Variants in GFM1 observed in about 807,000 individuals in gnomAD.
GFM1 encodes elongation factor G, mitochondrial.
GFM1 carries 62 observed loss-of-function variants against 96.2 expected under a neutral mutation model. The ratio of observed to expected loss-of-function variants is 0.64; its 90% CI spans 0.53 to 0.80. The LOEUF is 0.80. Among genes scored for constraint, GFM1 ranks in the 30% least tolerant of loss-of-function variants. GFM1 has a pLI of 0.00. For missense variants in GFM1, 852 were observed against 916.6 expected, an observed-to-expected ratio of 0.93 and a Z score of 0.91; for synonymous variants, 282 against 312.9, an observed-to-expected ratio of 0.90 and a Z score of 1.04.
chr3:158,662,005 G>A (rs917161764), intron 10 of GFM1, among the ~76,000 whole-genome samples: 1 of 152,160 alleles, frequency 6.6e-6, no homozygotes, highest in Non-Finnish European at 1.5e-5. Flanking sequence ...CTGGTCATTA[G>A]CAACATGAAG....
chr3:158,656,256 C>T (rs1410184622), intron 8 of GFM1: 5 of 187,302 alleles, frequency 2.7e-5, no homozygotes, highest in South Asian at 1.9e-4. Flanking sequence ...CAGGTTCAAG[C>T]GAGTCTCCTG....
chr3:158,649,625 TA>T (rs1278104690), intron 5 of GFM1: 4 of 218,074 alleles, frequency 1.8e-5, no homozygotes, highest in African/African-American at 9.2e-5. Context: ...TTAAAACAGT[TA>T]AAATTGTACA....
intron 14 of GFM1, 131 bp from the exon 15 acceptor site, chr3:158,684,393 A>T: frequency 1.2e-6 from 1 of 862,808 alleles, no homozygotes; most frequent in East Asian, 2.6e-5. Context: ...TTTTTAAAAA[A>T]TTATTTTTGA....
Position 158,658,959 on chromosome 3 carries a change from A to T in GFM1, c.1121A>T (p.Tyr374Phe), listed in dbSNP as rs763127218. Residue 374 changes from tyrosine (Y) to phenylalanine (F), a missense_variant, in exon 9 of 18, where the codon TAT (tyrosine) becomes TTT (phenylalanine). By Grantham distance (22) the Tyr-to-Phe change is conservative. Coordinates refer to ENST00000486715, the MANE Select transcript of GFM1 (RefSeq NM_024996.7). Reference sequence around the variant, plus strand: ...GGACAATTAACTTATGTTCGCAGTTATCAGGGAGAGCTAAAGAAGGGTGAC... The same window carrying T: ...GGACAATTAACTTATGTTCGCAGTTTTCAGGGAGAGCTAAAGAAGGGTGAC... ...RFGQLTYVRS[Y>F]QGELKKGDTI... The T allele has an allele frequency of 1.2e-6, 2 of 1,614,168 alleles. No individual in the cohort carries two copies. Among genetic ancestry groups the T allele is most frequent in the Non-Finnish European group, 1.7e-6 (2 of 1,180,014 alleles).
At chr3:158,685,861 G>A (rs540889949) in intron 15 of GFM1, among the ~76,000 whole-genome samples, 2 of 152,200 alleles carry the variant, frequency 1.3e-5, no homozygotes, top group Admixed American at 1.3e-4. Context: ...ACTTTAGTAT[G>A]TCTTAAACTG....
At chr3:158,665,101 T>G (rs1723532091) in intron 11 of GFM1, among the ~76,000 whole-genome samples, 1 of 152,166 alleles carries the variant, frequency 6.6e-6, no homozygotes, top group Non-Finnish European at 1.5e-5. Context: ...TGGACTCTTG[T>G]TTTCTATCTT....
chr3:158,681,504 A>G (rs1257274253), intron 13 of GFM1, among the ~76,000 whole-genome samples: 1 of 152,170 alleles, frequency 6.6e-6, no homozygotes, highest in African/African-American at 2.4e-5. Context: ...GATATTAATT[A>G]TTTCACTTGG....
chr3:158,667,838 G>A (rs1197056137), intron 13 of GFM1, among the ~76,000 whole-genome samples: 1 of 152,160 alleles, frequency 6.6e-6, no homozygotes, highest in Non-Finnish European at 1.5e-5. Flanking sequence ...ATAGTAAAAT[G>A]TAGTGAGTGT....
At chr3:158,675,146 G>A (rs1284298774) in intron 13 of GFM1, among the ~76,000 whole-genome samples, 1 of 151,730 alleles carries the variant, frequency 6.6e-6, no homozygotes, top group Non-Finnish European at 1.5e-5. Flanking sequence ...AATTAGCCGG[G>A]CGTGGCGGCG....
chr3:158,672,349 C>G, intron 13 of GFM1: 4 of 1,613,730 alleles, frequency 2.5e-6, no homozygotes, highest in Non-Finnish European at 3.4e-6. Context: ...GCTAAACTCA[C>G]CTCCATGCTG....
intron 15 of GFM1, chr3:158,685,316 A>G (rs1471646506): frequency 6.6e-6 from 1 of 152,270 alleles, no homozygotes; most frequent in African/African-American, 2.4e-5. Context: ...TCAAGAAAGG[A>G]ACTTCAAAGC....
chr3:158,646,350 T>G, intron 3 of GFM1, 53 bp downstream of exon 3: 1 of 1,592,318 alleles, frequency 6.3e-7, no homozygotes, highest in Non-Finnish European at 8.6e-7. Context: ...GCACATTTGG[T>G]TCTTTCTCTT....
intron 14 of GFM1, 130 bp downstream of exon 14, chr3:158,682,287 T>G (rs1287235871): frequency 1.3e-6 from 1 of 751,768 alleles, no homozygotes; most frequent in Non-Finnish European, 2.3e-6. Flanking sequence ...TTTCTCTGAT[T>G]GTTAAGCTTT....
intron 11 of GFM1, 124 bp from the exon 12 acceptor site, chr3:158,665,213 G>T: frequency 1.4e-6 from 1 of 727,928 alleles, no homozygotes; most frequent in Non-Finnish European, 2.4e-6. Context: ...AGTAGAACTA[G>T]ATATGTATCA....
chr3:158,667,313 T>C (rs1723806759), intron 13 of GFM1, among the ~76,000 whole-genome samples: 1 of 152,234 alleles, frequency 6.6e-6, no homozygotes, highest in Non-Finnish European at 1.5e-5. Context: ...AAGAAATGTT[T>C]ACCTGTTTTT....
chr3:158,693,526 T>G lies in GFM1; in HGVS notation c.*2059T>G, dbSNP rs1252181535. On this transcript the variant is annotated 3_prime_UTR_variant, in exon 18 of 18. Coordinates refer to ENST00000486715, the MANE Select transcript of GFM1 (RefSeq NM_024996.7). Reference sequence around the variant, plus strand: ...GGAGTAATTAGAATAGGTTCACAAATGGACAGATCAGGACTAGAACCCACA... The same window carrying G: ...GGAGTAATTAGAATAGGTTCACAAAGGGACAGATCAGGACTAGAACCCACA... 6.6e-6 allele frequency: 1 copy of G among 152,226 alleles called. No homozygotes were observed. Among genetic ancestry groups the G allele is most frequent in the South Asian group, 2.1e-4 (1 of 4,834 alleles). 9.4% of individuals were successfully genotyped at this position (152,226 alleles called of 1,614,324 possible).
chr3:158,666,341 G>A lies in GFM1; in HGVS notation c.1556G>A (p.Gly519Glu). The A allele has an allele frequency of 6.2e-7, 1 of 1,613,726 alleles. No homozygotes were observed. The highest frequency in any genetic ancestry group is 8.5e-7 in the Non-Finnish European group (1 of 1,179,820). ...GAGTATGGCTGTCCTTGTATCACAGGAAAGCCAAAAGTTGCCTTTCGAGAG... is the reference window on the plus strand; with the variant it reads ...GAGTATGGCTGTCCTTGTATCACAGAAAAGCCAAAAGTTGCCTTTCGAGAG... Reference protein sequence around the residue: ...EREYGCPCITGKPKVAFRETI... With the variant: ...EREYGCPCITEKPKVAFRETI... The change falls in exon 13 of 18, where the codon GGA (glycine) becomes GAA (glutamate). Residue 519 changes from glycine to glutamate, a missense_variant. Coordinates refer to ENST00000486715, the MANE Select transcript of GFM1 (RefSeq NM_024996.7).
intron 13 of GFM1, among the ~76,000 whole-genome samples, chr3:158,675,717 GT>G (rs1194333762): frequency 6.6e-6 from 1 of 152,114 alleles, no homozygotes; most frequent in African/African-American, 2.4e-5. Context: ...GACCAAATGT[GT>G]TAACTAAAAT....
chr3:158,682,998 T>A (rs1278673535), intron 14 of GFM1, among the ~76,000 whole-genome samples: 1 of 147,682 alleles, frequency 6.8e-6, no homozygotes, highest in Admixed American at 6.8e-5. Flanking sequence ...ACCACTGCCC[T>A]CCAGCCTGGG....
Sources: allele counts gnomAD v4.1 joint callset (sites outside exome capture counted in the v4.1 genomes callset), GRCh38; gene constraint gnomAD v4.1.1; transcripts MANE v1.5; gene names NCBI Gene and HGNC (gene_info 2026-07-23, HGNC 2026-07-21).